Variants in ANKRD44 observed in about 807,000 individuals in gnomAD.
ANKRD44 encodes the protein serine/threonine-protein phosphatase 6 regulatory ankyrin repeat subunit B.
ANKRD44 carries 35 observed loss-of-function variants against 116.0 expected under a neutral mutation model. The observed-to-expected ratio is 0.30, with a 90% confidence interval of 0.23 to 0.40. ANKRD44 has a LOEUF of 0.40. Ranked by LOEUF, ANKRD44 falls within the 10% of genes least tolerant of loss-of-function variation. The pLI is 1.00. For missense variants in ANKRD44, 1,014 were observed against 1,242.6 expected (o/e 0.82, Z 2.77); for synonymous variants, 435 against 461.8 (o/e 0.94, Z 0.74).
chr2:197,112,770 T>C (rs759023867), intron 8 of ANKRD44, among the ~76,000 whole-genome samples: 1 of 151,478 alleles, frequency 6.6e-6, no homozygotes, highest in Non-Finnish European at 1.5e-5. Context: ...GAAATATGAA[T>C]TCTGTACCTT....
chr2:197,258,432 C>T (rs2082513275), intron 1 of ANKRD44, among the ~76,000 whole-genome samples: 1 of 152,008 alleles, frequency 6.6e-6, no homozygotes, highest in South Asian at 2.1e-4. Context: ...GAATTTCCTT[C>T]CTTTTTAAGG....
intron 18 of ANKRD44, 60 bp downstream of exon 18, chr2:197,013,451 C>A: frequency 6.5e-7 from 1 of 1,541,806 alleles, no homozygotes; most frequent in Non-Finnish European, 8.9e-7. Context: ...TGCTTTCCTT[C>A]TATTAAAACT....
At chr2:197,142,933 A>G (rs575779490) in intron 3 of ANKRD44, among the ~76,000 whole-genome samples, 28 of 152,046 alleles carry the variant, frequency 1.8e-4, no homozygotes, top group African/African-American at 6.5e-4. Flanking sequence ...TGAGGCCAGA[A>G]GTTCGAGACC....
At chr2:196,992,707 G>A (rs2075943546) in intron 27 of ANKRD44, 2 of 152,706 alleles carry the variant, frequency 1.3e-5, no homozygotes, top group Middle Eastern at 3.4e-3. Context: ...TACATGCTAG[G>A]ATACATGGGG....
At chr2:197,213,667 T>C (rs1331153934) in intron 1 of ANKRD44, among the ~76,000 whole-genome samples, 1 of 152,188 alleles carries the variant, frequency 6.6e-6, no homozygotes, top group Non-Finnish European at 1.5e-5. Context: ...ATTGAGCAAA[T>C]AATGGAATTG....
chr2:197,085,448 G>C (rs1038957303), intron 13 of ANKRD44, among the ~76,000 whole-genome samples: 2 of 152,090 alleles, frequency 1.3e-5, no homozygotes, highest in African/African-American at 4.8e-5. Context: ...CAGATGCTTA[G>C]GCATTCTAAG....
chr2:197,215,298 C>G (rs1183828193), intron 1 of ANKRD44, among the ~76,000 whole-genome samples: 1 of 152,230 alleles, frequency 6.6e-6, no homozygotes, highest in Non-Finnish European at 1.5e-5. Flanking sequence ...ATACTGTTTA[C>G]TGAACAACAT....
intron 4 of ANKRD44, chr2:197,135,553 A>G (rs1035081850): frequency 1.3e-5 from 2 of 152,200 alleles, no homozygotes; most frequent in African/African-American, 4.8e-5. Context: ...AGACTTGTAT[A>G]AATAATTATA....
chr2:197,144,743 C>A (rs1418449159), intron 3 of ANKRD44, among the ~76,000 whole-genome samples: 3 of 152,076 alleles, frequency 2.0e-5, no homozygotes, highest in Non-Finnish European at 4.4e-5. Flanking sequence ...CTAAATCAGC[C>A]AGAGTTGAAG....
intron 6 of ANKRD44, among the ~76,000 whole-genome samples, chr2:197,124,639 G>C (rs976964627): frequency 1.3e-5 from 2 of 152,090 alleles, no homozygotes; most frequent in African/African-American, 4.8e-5. Context: ...CCTGTGGATG[G>C]GCATTCAGGT....
In ANKRD44 at chr2:197,203,344, A is replaced by C. The variant is rs912879333; in HGVS notation, c.28-16238T>G. Among the ~76,000 whole-genome samples, 4 of 152,238 alleles carry C rather than the reference A, an allele frequency of 2.6e-5. No individual in the cohort carries two copies. The highest frequency in any genetic ancestry group is 9.6e-5 in the African/African-American group (4 of 41,470). ...AAAGATGCTTAACATCAGTCTTTAG[A>C]GAATATAAATCTCTAAGAACTACTT... is the stretch of plus-strand genomic sequence containing the variant. On this transcript the variant is annotated intron_variant, in intron 1 of 27. Transcript: ENST00000282272. This position sits in a 1 kb window ranked among gnomAD's most constrained non-coding sequence, Gnocchi z 4.1.
At chr2:197,098,566 C>T (rs2078216172) in intron 10 of ANKRD44, among the ~76,000 whole-genome samples, 1 of 152,186 alleles carries the variant, frequency 6.6e-6, no homozygotes, top group African/African-American at 2.4e-5. Flanking sequence ...ATTGAAGGCC[C>T]TCTTTAATTT....
intron 2 of ANKRD44, among the ~76,000 whole-genome samples, chr2:197,165,621 G>A (rs1295506927): frequency 2.0e-5 from 3 of 152,238 alleles, no homozygotes; most frequent in Admixed American, 6.5e-5. Context: ...ATGTCTAGAA[G>A]ATGATGGATA....
Position 196,989,112 on chromosome 2 carries a change from C to T in ANKRD44, c.*479G>A, listed in dbSNP as rs1224066939. ...TTTGGCCCTTGGGCTTTTGGCTAGC[C>T]CAGGGTCAAGTGTTTTTTTTTTCAC... On this transcript the variant is annotated 3_prime_UTR_variant, in exon 28 of 28. Coordinates refer to ENST00000282272, the MANE Select transcript of ANKRD44 (RefSeq NM_001195144.2). The T allele has an allele frequency of 1.0e-5, 10 of 985,016 alleles. No individual in the cohort carries two copies. The highest frequency in any genetic ancestry group is 1.2e-5 in the Non-Finnish European group (10 of 829,972). 61.0% of individuals were successfully genotyped at this position (985,016 alleles called of 1,614,324 possible).
intron 9 of ANKRD44, among the ~76,000 whole-genome samples, chr2:197,106,561 A>G (rs2078432438): frequency 6.6e-6 from 1 of 152,136 alleles, no homozygotes; most frequent in Admixed American, 6.6e-5. Flanking sequence ...AGGCCGAGGC[A>G]GGCAGATCAC....
chr2:197,027,439 G>C (rs913356202), intron 16 of ANKRD44, among the ~76,000 whole-genome samples: 1 of 152,076 alleles, frequency 6.6e-6, no homozygotes, highest in Non-Finnish European at 1.5e-5. Flanking sequence ...CCATAAGATT[G>C]GATGAGATGA....
chr2:197,151,403 C>T (rs547524142), intron 2 of ANKRD44, among the ~76,000 whole-genome samples: 43 of 152,224 alleles, frequency 2.8e-4, no homozygotes, highest in African/African-American at 9.6e-4. Flanking sequence ...ACTTAAGACA[C>T]AAAGGACAAA....
At chr2:197,036,359 A>G (rs11690931) in intron 16 of ANKRD44, among the ~76,000 whole-genome samples, 89,457 of 151,862 alleles carry the variant, frequency 0.59, 28,865 homozygotes, top group East Asian at 0.81. Context: ...CCCAGGTTCA[A>G]GTGATTCTCC....
chr2:197,102,602 T>C (rs113887868), intron 9 of ANKRD44, among the ~76,000 whole-genome samples: 6,149 of 152,292 alleles, frequency 0.04, 162 homozygotes, highest in Middle Eastern at 0.082. Flanking sequence ...TTTATCTTTT[T>C]CTGTAAACTA....
Sources: allele counts gnomAD v4.1 joint callset (sites outside exome capture counted in the v4.1 genomes callset), GRCh38; gene constraint gnomAD v4.1.1; non-coding constraint Gnocchi (gnomAD v3.1); transcripts MANE v1.5; gene names NCBI Gene and HGNC (gene_info 2026-07-23, HGNC 2026-07-21).